The following TMCC1 variants were observed in gnomAD, a reference collection of about 807,000 sequenced individuals.
TMCC1 encodes the protein transmembrane and coiled-coil domains protein 1.
In TMCC1, 15 loss-of-function variants were observed where a neutral mutation model predicts 52.4. That is an observed-to-expected ratio of 0.29 (90% CI 0.19 to 0.44). TMCC1 has a LOEUF of 0.44. Ranked by LOEUF, TMCC1 falls within the 20% of genes least tolerant of loss-of-function variation. The probability of loss-of-function intolerance (pLI) is 1.00; values close to 1 mark genes in which losing one functional copy is unlikely to be tolerated. For missense variants in TMCC1, 503 were observed against 806.0 expected, an observed-to-expected ratio of 0.62 and a Z score of 4.55; for synonymous variants, 279 against 301.9, an observed-to-expected ratio of 0.92 and a Z score of 0.79.
In TMCC1 at chr3:129,763,473, G is replaced by A. The variant is rs562865838; in HGVS notation, c.576+64330C>T. ...AGGTGGGAGAATCGCCTGAACCCAG[G>A]AGGTGGTTGCAGTGAGCTAAGATCA... On this transcript the variant is annotated intron_variant, in intron 4 of 6. Transcript: ENST00000393238. 3.1e-4 allele frequency among the ~76,000 whole-genome samples: 44 copies of A among 143,688 alleles called. No homozygotes were observed. The East Asian group carries it at 8.3e-3, about 27-fold the overall frequency. The allele number at this position is 143,688 out of a possible 152,430, so 94.3% of individuals were successfully genotyped here.
At chr3:129,760,452 C>CTGTGTG (rs1491184427) in intron 4 of TMCC1, among the ~76,000 whole-genome samples, 18 of 68,344 alleles carry the variant, frequency 2.6e-4, no homozygotes, top group Non-Finnish European at 1.0e-4. Flanking sequence ...GACAGTCTCG[C>CTGTGTG]TCTGTGTGTG....
chr3:129,830,004 AGACATTT>A (rs1355171872), intron 3 of TMCC1, among the ~76,000 whole-genome samples: 1 of 152,220 alleles, frequency 6.6e-6, no homozygotes, highest in Non-Finnish European at 1.5e-5. Context: ...ACAGGGATAA[AGACATTT>A]GTCTCTCTCT....
At chr3:129,888,629 A>C (rs2061828723) in intron 1 of TMCC1, among the ~76,000 whole-genome samples, 1 of 152,232 alleles carries the variant, frequency 6.6e-6, no homozygotes, top group Admixed American at 6.5e-5. Flanking sequence ...AAGAGCTCCC[A>C]ATGGCCAAAG....
intron 4 of TMCC1, chr3:129,688,523 G>A (rs535698002): frequency 8.7e-5 from 86 of 985,466 alleles, no homozygotes; most frequent in South Asian, 1.9e-4. Context: ...AGGTACAGCC[G>A]CACCACATTA....
At chr3:129,735,859 T>C (rs1306660363) in intron 4 of TMCC1, among the ~76,000 whole-genome samples, 1 of 152,192 alleles carries the variant, frequency 6.6e-6, no homozygotes, top group African/African-American at 2.4e-5. Context: ...AGCAGGTTAT[T>C]TGGCACATCT....
chr3:129,820,563 T>C (rs1327897877), intron 4 of TMCC1, among the ~76,000 whole-genome samples: 1 of 151,980 alleles, frequency 6.6e-6, no homozygotes, highest in South Asian at 2.1e-4. Flanking sequence ...ACAAGTAGAA[T>C]AGGCTGCTTT....
rs184181644 is a variant in TMCC1, at chr3:129,851,325, T to A, written c.-183-18499A>T. On this transcript the variant is annotated intron_variant, in intron 2 of 6. Transcript: ENST00000393238. ...TTCCTGTAGGCTTAGTTCTAGCTTTTGAGGAAAGAAAAATAAAGCTGTCAG... is the reference window on the plus strand; with the variant it reads ...TTCCTGTAGGCTTAGTTCTAGCTTTAGAGGAAAGAAAAATAAAGCTGTCAG... Among the ~76,000 whole-genome samples, 29 of 152,252 alleles carry A rather than the reference T, an allele frequency of 1.9e-4. No individual in the cohort carries two copies. In the East Asian group the frequency reaches 4.8e-3, roughly 25 times the overall value.
At chr3:129,780,557 C>T (rs1205528469) in intron 4 of TMCC1, among the ~76,000 whole-genome samples, 1 of 152,012 alleles carries the variant, frequency 6.6e-6, no homozygotes, top group African/African-American at 2.4e-5. Flanking sequence ...AGCCATTCTA[C>T]CTTCATCAAA....
chr3:129,849,492 C>A (rs374192003), intron 2 of TMCC1, among the ~76,000 whole-genome samples: 5 of 148,386 alleles, frequency 3.4e-5, no homozygotes, highest in Non-Finnish European at 7.4e-5. Flanking sequence ...CGGCCAGGCA[C>A]GGTGGCTCAC....
At chr3:129,657,875 T>C (rs927659816) in intron 5 of TMCC1, among the ~76,000 whole-genome samples, 6 of 152,234 alleles carry the variant, frequency 3.9e-5, no homozygotes, top group Admixed American at 1.3e-4. Context: ...ACAGTTACCT[T>C]ATGACTCAGC....
chr3:129,677,922 C>A (rs1414424452), intron 4 of TMCC1, among the ~76,000 whole-genome samples: 1 of 152,182 alleles, frequency 6.6e-6, no homozygotes, highest in African/African-American at 2.4e-5. Flanking sequence ...GTCCAACAGT[C>A]GGTTCATTTT....
chr3:129,760,401 AGTGTGTGTGTGTGTGTGTGT>A (rs200322394), intron 4 of TMCC1, among the ~76,000 whole-genome samples: 1 of 137,874 alleles, frequency 7.3e-6, no homozygotes, highest in Non-Finnish European at 1.6e-5. Flanking sequence ...ACGCCAGGCT[AGTGTGTGTGTGTGTGTGTGT>A]GTGTGTGTGT....
At chr3:129,821,325 C>T (rs953763035) in intron 4 of TMCC1, among the ~76,000 whole-genome samples, 2 of 152,044 alleles carry the variant, frequency 1.3e-5, no homozygotes, top group Non-Finnish European at 2.9e-5. Context: ...GCACTAATTA[C>T]TTCATTTTTT....
At chr3:129,655,309 A>G (rs1318750934) in intron 5 of TMCC1, among the ~76,000 whole-genome samples, 1 of 152,214 alleles carries the variant, frequency 6.6e-6, no homozygotes, top group Non-Finnish European at 1.5e-5. Flanking sequence ...ACGTGGCAAC[A>G]TGGCTGTTCC....
At chr3:129,716,298 G>T (rs977192819) in intron 4 of TMCC1, among the ~76,000 whole-genome samples, 14 of 149,954 alleles carry the variant, frequency 9.3e-5, no homozygotes, top group African/African-American at 3.2e-4. Context: ...GAGTAGCTGG[G>T]ATTATAAGCA....
intron 5 of TMCC1, among the ~76,000 whole-genome samples, chr3:129,658,811 T>G (rs1305604314): frequency 2.0e-5 from 3 of 152,222 alleles, no homozygotes; most frequent in Non-Finnish European, 2.9e-5. Context: ...GGGTAGCTTG[T>G]TCTTTGTAAC....
intron 5 of TMCC1, among the ~76,000 whole-genome samples, chr3:129,665,253 G>T (rs2087356799): frequency 6.6e-6 from 1 of 152,192 alleles, no homozygotes; most frequent in Non-Finnish European, 1.5e-5. Flanking sequence ...AAAATAATGT[G>T]TCAGTCATGG....
At chr3:129,724,237 T>G (rs972066042) in intron 4 of TMCC1, among the ~76,000 whole-genome samples, 1 of 152,216 alleles carries the variant, frequency 6.6e-6, no homozygotes, top group African/African-American at 2.4e-5. Flanking sequence ...TGGTGTCACA[T>G]GAGATAATCT....
intron 4 of TMCC1, among the ~76,000 whole-genome samples, chr3:129,789,078 A>G (rs369770351): frequency 1.1e-4 from 17 of 152,320 alleles, no homozygotes; most frequent in African/African-American, 4.1e-4. Context: ...ACATAAAAGC[A>G]TAAGAAGGAA....
Sources: gnomAD v4.1 joint callset for allele counts (sites outside exome capture counted in the v4.1 genomes callset) on GRCh38, gnomAD v4.1.1 for gene constraint, MANE v1.5 for transcripts, NCBI Gene and HGNC (gene_info 2026-07-23, HGNC 2026-07-21) for gene names.